Variants in TBC1D5 observed in about 807,000 individuals in gnomAD.
TBC1D5 encodes TBC1 domain family, member 5.
A neutral mutation model predicts 100.3 loss-of-function variants in TBC1D5; 75 were observed. The ratio of observed to expected loss-of-function variants is 0.75; its 90% CI spans 0.62 to 0.91. The LOEUF (loss-of-function observed/expected upper bound fraction) is 0.91. TBC1D5 is among the 40% of genes least tolerant of loss of function. The probability of loss-of-function intolerance (pLI) is 0.00; values close to 1 mark genes in which losing one functional copy is unlikely to be tolerated. For missense variants in TBC1D5, 910 were observed against 942.4 expected, an observed-to-expected ratio of 0.97 and a Z score of 0.45; for synonymous variants, 323 against 325.6, an observed-to-expected ratio of 0.99 and a Z score of 0.09.
intron 3 of TBC1D5, among the ~76,000 whole-genome samples, chr3:17,463,881 A>T (rs2095256501): frequency 6.8e-6 from 1 of 146,516 alleles, no homozygotes; most frequent in African/African-American, 2.5e-5. Flanking sequence ...TGTTGATTTG[A>T]GTATTAATTT....
intron 1 of TBC1D5, among the ~76,000 whole-genome samples, chr3:17,735,516 G>GC (rs984755953): frequency 2.0e-5 from 3 of 152,168 alleles, no homozygotes; most frequent in African/African-American, 7.2e-5. Context: ...ATGGCAGCAA[G>GC]CCTTTTGTTC....
intron 2 of TBC1D5, among the ~76,000 whole-genome samples, chr3:17,553,624 A>C (rs1038045874): frequency 2.0e-5 from 3 of 152,228 alleles, no homozygotes; most frequent in African/African-American, 7.2e-5. Flanking sequence ...ACTTGAATTG[A>C]TATAAAGCTA....
At chr3:17,395,353 C>T (rs969769183) in intron 8 of TBC1D5, among the ~76,000 whole-genome samples, 1 of 151,944 alleles carries the variant, frequency 6.6e-6, no homozygotes, top group Non-Finnish European at 1.5e-5. Flanking sequence ...CTTTCAGTGC[C>T]AGACGAGACT....
chr3:17,620,956 T>C (rs769899476), intron 2 of TBC1D5, among the ~76,000 whole-genome samples: 1 of 152,200 alleles, frequency 6.6e-6, no homozygotes, highest in Non-Finnish European at 1.5e-5. Flanking sequence ...GAGGGAGAAC[T>C]TCAAACAAAT....
chr3:17,369,216 G>C (rs1288302351), intron 13 of TBC1D5, among the ~76,000 whole-genome samples: 1 of 151,970 alleles, frequency 6.6e-6, no homozygotes, highest in African/African-American at 2.4e-5. Flanking sequence ...GAAGCACATA[G>C]GCTCTAGTGA....
At chr3:17,463,962 T>C (rs2095259335) in intron 3 of TBC1D5, among the ~76,000 whole-genome samples, 1 of 148,324 alleles carries the variant, frequency 6.7e-6, no homozygotes, top group Admixed American at 6.7e-5. Flanking sequence ...TTTTTTTTTT[T>C]TTTTTTGAGA....
intron 13 of TBC1D5, among the ~76,000 whole-genome samples, chr3:17,328,993 A>C (rs1226685094): frequency 6.6e-6 from 1 of 152,202 alleles, no homozygotes; most frequent in Non-Finnish European, 1.5e-5. Context: ...AAGAGGAAAA[A>C]AGGAGTTGGA....
chr3:17,330,035 G>A (rs2086682090), intron 13 of TBC1D5, among the ~76,000 whole-genome samples: 1 of 152,036 alleles, frequency 6.6e-6, no homozygotes, highest in East Asian at 1.9e-4. Context: ...GCAGCACTGG[G>A]AACAGAGATA....
intron 2 of TBC1D5, among the ~76,000 whole-genome samples, chr3:17,587,197 C>G (rs2096738225): frequency 6.6e-6 from 1 of 151,862 alleles, no homozygotes. Context: ...TACATAAAAT[C>G]TGTAAGAATA....
intron 15 of TBC1D5, among the ~76,000 whole-genome samples, chr3:17,258,844 A>G (rs1375574815): frequency 6.6e-6 from 1 of 152,172 alleles, no homozygotes; most frequent in Non-Finnish European, 1.5e-5. Context: ...TCAAAATAAA[A>G]TTTTCAAATA....
intron 8 of TBC1D5, among the ~76,000 whole-genome samples, chr3:17,388,398 T>C (rs1225229501): frequency 6.6e-6 from 1 of 152,100 alleles, no homozygotes; most frequent in East Asian, 1.9e-4. Flanking sequence ...AACAGTAAAC[T>C]GAACCCCAAT....
At chr3:17,707,509 C>G (rs1247775604) in intron 1 of TBC1D5, among the ~76,000 whole-genome samples, 1 of 152,102 alleles carries the variant, frequency 6.6e-6, no homozygotes, top group Non-Finnish European at 1.5e-5. Context: ...GATACCTTTA[C>G]AACATCAACA....
At chr3:17,289,212 A>C (rs1391922935) in intron 15 of TBC1D5, among the ~76,000 whole-genome samples, 2 of 152,082 alleles carry the variant, frequency 1.3e-5, no homozygotes, top group Admixed American at 6.5e-5. Context: ...TCGCTTGCCC[A>C]TGCACCCCCT....
intron 1 of TBC1D5, among the ~76,000 whole-genome samples, chr3:17,731,310 C>G (rs558748009): frequency 1.5e-3 from 223 of 151,914 alleles, no homozygotes; most frequent in African/African-American, 5.3e-3. Flanking sequence ...AGACCATCCT[C>G]GCCAACATGG....
chr3:17,478,455 AT>A lies in TBC1D5; in HGVS notation c.97+30018del, dbSNP rs568672275. Among the ~76,000 whole-genome samples the A allele has an allele frequency of 3.5e-3, 533 of 152,170 alleles. 3 individuals are homozygous for A. Among genetic ancestry groups the A allele is most frequent in the African/African-American group, 0.012 (518 of 41,546 alleles). On this transcript the variant is annotated intron_variant, in intron 3 of 21. Transcript: ENST00000253692. ...ATCCATGAACATGAAATGTCTACTT[AT>A]TTATAACTTTCCTTAATTTCTTCCA... is the stretch of plus-strand genomic sequence containing the variant.
intron 15 of TBC1D5, among the ~76,000 whole-genome samples, chr3:17,260,017 T>C (rs1363669485): frequency 6.6e-6 from 1 of 152,162 alleles, no homozygotes; most frequent in African/African-American, 2.4e-5. Context: ...TACTATTAAG[T>C]CTAACAGTGC....
At chr3:17,280,805 G>A (rs576472121) in intron 15 of TBC1D5, among the ~76,000 whole-genome samples, 6 of 152,298 alleles carry the variant, frequency 3.9e-5, no homozygotes, top group South Asian at 2.1e-4. Context: ...CTGTCACACT[G>A]ACCCTCCACT....
intron 18 of TBC1D5, among the ~76,000 whole-genome samples, chr3:17,202,739 G>A (rs1328005179): frequency 6.6e-6 from 1 of 152,232 alleles, no homozygotes; most frequent in Non-Finnish European, 1.5e-5. Flanking sequence ...TCCAGAGGGT[G>A]CAACCCATAA....
intron 2 of TBC1D5, among the ~76,000 whole-genome samples, chr3:17,566,770 G>T (rs1375234465): frequency 6.6e-6 from 1 of 151,692 alleles, no homozygotes; most frequent in Non-Finnish European, 1.5e-5. Context: ...AAGGTAACCA[G>T]AAAAATTAAT....
Sources: allele counts gnomAD v4.1 joint callset (sites outside exome capture counted in the v4.1 genomes callset), GRCh38; gene constraint gnomAD v4.1.1; transcripts MANE v1.5; gene names NCBI Gene and HGNC (gene_info 2026-07-23, HGNC 2026-07-21).